INTU: variants seen among roughly 807,000 people sequenced by gnomAD.
INTU encodes the protein protein inturned.
INTU carries 68 observed loss-of-function variants against 100.5 expected under a neutral mutation model. The observed-to-expected ratio is 0.68, with a 90% CI of 0.56 to 0.83. The LOEUF is 0.83. Among genes scored for constraint, INTU ranks in the 40% least tolerant of loss-of-function variants. INTU has a pLI of 0.00. For synonymous variants in INTU, 357 were observed against 395.7 expected (o/e 0.90, Z 1.16); for missense variants, 1,071 against 1,114.7 (o/e 0.96, Z 0.56).
At chr4:127,703,077 A>C (rs1730718584) in intron 9 of INTU, among the ~76,000 whole-genome samples, 1 of 152,164 alleles carries the variant, frequency 6.6e-6, no homozygotes, top group Non-Finnish European at 1.5e-5. Flanking sequence ...TAAATAAATA[A>C]ATAATCATAC....
chr4:127,640,596 T>TATATATATAC (rs1560825830), intron 1 of INTU, among the ~76,000 whole-genome samples: 5 of 39,836 alleles, frequency 1.3e-4, no homozygotes, highest in Non-Finnish European at 2.7e-4. Flanking sequence ...TATATACATA[T>TATATATATAC]ACATAAACAC....
chr4:127,700,249 C>T lies in INTU; in HGVS notation c.1503+186C>T, dbSNP rs72616934. Among the ~76,000 whole-genome samples the T allele has an allele frequency of 0.03, 4,591 of 152,158 alleles. 303 individuals carry two copies. The highest frequency in any genetic ancestry group is 0.27 in the East Asian group (1,393 of 5,174). On this transcript the variant is annotated intron_variant, in intron 9 of 15. Transcript: ENST00000335251. ...TTCTACTGAGTTTAAACAGTTGTTA[C>T]ATAATGTATATTATGGGATTAAAAA...
At chr4:127,642,115 A>C (rs1727361339) in intron 1 of INTU, among the ~76,000 whole-genome samples, 2 of 152,202 alleles carry the variant, frequency 1.3e-5, no homozygotes, top group Admixed American at 1.3e-4. Context: ...TAGCTTTGTT[A>C]CTAAATGATT....
Position 127,663,260 on chromosome 4 carries a change from T to G in INTU, c.769-121T>G, listed in dbSNP as rs902786244. 39 of 679,966 alleles carry G rather than the reference T, an allele frequency of 5.7e-5. No individual in the cohort carries two copies. In the African/African-American group the frequency reaches 6.0e-4, roughly 10 times the overall value. The allele number at this position is 679,966 out of a possible 1,614,324, so 42.1% of individuals were successfully genotyped here. A position where few individuals can be genotyped will look rare whatever the true frequency, so the allele number is the denominator to read the frequency against. ...TCCCAGCCATCAGGAGCACTCACTC[T>G]AGGATGATTTATATATACTGTACAT... On this transcript the variant is annotated intron_variant, in intron 3 of 15. Transcript: ENST00000335251.
intron 1 of INTU, among the ~76,000 whole-genome samples, chr4:127,635,772 T>G (rs1370785276): frequency 6.6e-6 from 1 of 152,204 alleles, no homozygotes; most frequent in Non-Finnish European, 1.5e-5. Context: ...CCATCTCGCC[T>G]AAGAGTCTCC....
Position 127,685,486 on chromosome 4 carries a change from T to C in INTU, c.1259+1000T>C, listed in dbSNP as rs565419689. 1.5e-5 allele frequency: 7 copies of C among 455,814 alleles called. No individual in the cohort carries two copies. The East Asian group carries it at 2.1e-4, about 14-fold the overall frequency. The allele number at this position is 455,814 out of a possible 1,614,324, so 28.2% of individuals were successfully genotyped here. A position where few individuals can be genotyped will look rare whatever the true frequency, so the allele number is the denominator to read the frequency against. On this transcript the variant is annotated intron_variant, in intron 7 of 15. Transcript: ENST00000335251. ...GTGATTGTGTCATCTGGGAAAATTA[T>C]CTAGTTTGCAGTGTTCTCTAGAGGA...
At chr4:127,680,589 T>C (rs1189767123) in intron 6 of INTU, among the ~76,000 whole-genome samples, 1 of 102,880 alleles carries the variant, frequency 9.7e-6, no homozygotes. Flanking sequence ...AAATTAGGTA[T>C]TGATGGGACG....
intron 5 of INTU, among the ~76,000 whole-genome samples, chr4:127,670,293 G>A (rs1394961863): frequency 6.6e-6 from 1 of 151,558 alleles, no homozygotes; most frequent in Non-Finnish European, 1.5e-5. Flanking sequence ...GATTTTCTAG[G>A]CTTTAACTTT....
At chr4:127,688,865 T>C (rs968564560) in intron 8 of INTU, among the ~76,000 whole-genome samples, 1 of 151,992 alleles carries the variant, frequency 6.6e-6, no homozygotes, top group African/African-American at 2.4e-5. Flanking sequence ...ATGCTTTGCC[T>C]TCTGGTATTT....
intron 1 of INTU, among the ~76,000 whole-genome samples, chr4:127,633,472 A>G (rs1003060170): frequency 2.6e-5 from 4 of 152,056 alleles, no homozygotes; most frequent in African/African-American, 9.7e-5. Context: ...AGGCCATAGG[A>G]GGATATATCT....
rs1206497868 is a variant in INTU at position 127,644,062 on chromosome 4, T to C, written c.682+6T>C. Reference sequence around the variant, plus strand: ...GAGCGGTCAGGTACTCATTGGTAAGTGTTGCTGGTACACATCCATCCCTGT... The same window carrying C: ...GAGCGGTCAGGTACTCATTGGTAAGCGTTGCTGGTACACATCCATCCCTGT... On this transcript the variant is annotated splice_donor_region_variant and intron_variant, in intron 2 of 15. Transcript: ENST00000335251. The C allele has an allele frequency of 1.4e-5, 22 of 1,607,912 alleles. No individual in the cohort carries two copies. The highest frequency in any genetic ancestry group is 1.8e-5 in the Non-Finnish European group (21 of 1,175,996).
chr4:127,636,589 G>A (rs1389254792), intron 1 of INTU, among the ~76,000 whole-genome samples: 1 of 148,362 alleles, frequency 6.7e-6, no homozygotes, highest in Non-Finnish European at 1.5e-5. Flanking sequence ...TGCAGCCTGG[G>A]TGACAAAGTG....
intron 8 of INTU, among the ~76,000 whole-genome samples, chr4:127,696,561 T>C (rs1008666434): frequency 6.6e-6 from 1 of 151,916 alleles, no homozygotes; most frequent in African/African-American, 2.4e-5. Context: ...GTAATTTGTG[T>C]CCTCTCTATT....
At chr4:127,698,935 A>T (rs1167791260) in intron 8 of INTU, among the ~76,000 whole-genome samples, 1 of 152,200 alleles carries the variant, frequency 6.6e-6, no homozygotes, top group Non-Finnish European at 1.5e-5. Flanking sequence ...GATGCAGAAA[A>T]ATGTAGGTCA....
At position 127,721,554 on chromosome 4, in the gene INTU, G is replaced by T. The variant is rs921608921; in HGVS notation, c.*5118G>T. ...GGGAAGTTTTCCTGGATGATATCCA[G>T]AAGTGTGTTTTCCAACTTGGTTCCA... On this transcript the variant is annotated 3_prime_UTR_variant, in exon 16 of 16. Transcript: ENST00000335251. The T allele has an allele frequency of 6.6e-6, 1 of 152,188 alleles. No homozygotes were observed. The highest frequency in any genetic ancestry group is 1.5e-5 in the Non-Finnish European group (1 of 68,042). The allele number at this position is 152,188 out of a possible 1,614,324, so 9.4% of individuals were successfully genotyped here. A position where few individuals can be genotyped will look rare whatever the true frequency, so the allele number is the denominator to read the frequency against.
At chr4:127,684,269 C>A in intron 6 of INTU, 140 bp from the exon 7 acceptor site, 1 of 552,034 alleles carries the variant, frequency 1.8e-6, no homozygotes. Flanking sequence ...TGAAAGCGAC[C>A]ATTTTGTACA....
chr4:127,674,349 A>G lies in INTU; in HGVS notation c.1181+136A>G, dbSNP rs1000673047. ...GTTTAAAGATCTATTGCACTAGTAA[A>G]ATAGTTACCTGTGTTCGTTTGGTAT... is the stretch of plus-strand genomic sequence containing the variant. On this transcript the variant is annotated intron_variant, in intron 6 of 15. Transcript: ENST00000335251. 3 of 639,554 alleles carry G rather than the reference A, an allele frequency of 4.7e-6. No individual in the cohort carries two copies. The African/African-American group carries it at 5.5e-5, about 12-fold the overall frequency. 39.6% of individuals were successfully genotyped at this position (639,554 alleles called of 1,614,324 possible). A position where few individuals can be genotyped will look rare whatever the true frequency, so the allele number is the denominator to read the frequency against.
intron 2 of INTU, among the ~76,000 whole-genome samples, chr4:127,655,848 C>G (rs1255900483): frequency 6.6e-6 from 1 of 152,072 alleles, no homozygotes; most frequent in Non-Finnish European, 1.5e-5. Flanking sequence ...AGTTTGATCT[C>G]AGACTGCTGT....
At chr4:127,697,326 C>T (rs564965148) in intron 8 of INTU, among the ~76,000 whole-genome samples, 2 of 151,838 alleles carry the variant, frequency 1.3e-5, no homozygotes, top group Non-Finnish European at 2.9e-5. Flanking sequence ...TTCTCCCTAC[C>T]CCTCCATCCC....
Sources: allele counts gnomAD v4.1 joint callset (sites outside exome capture counted in the v4.1 genomes callset), GRCh38; gene constraint gnomAD v4.1.1; transcripts MANE v1.5; gene names NCBI Gene and HGNC (gene_info 2026-07-23, HGNC 2026-07-21).